The following SIN3B variants were observed in gnomAD, a reference collection of about 807,000 sequenced individuals.
SIN3B encodes SIN3 transcription regulator family member B.
In SIN3B, 19 loss-of-function variants were observed where a neutral mutation model predicts 120.2. The ratio of observed to expected loss-of-function variants is 0.16; its 90% CI spans 0.11 to 0.23. The LOEUF is 0.23. SIN3B is among the 10% of genes least tolerant of loss of function. The pLI is 1.00. For missense variants in SIN3B, 1,073 were observed against 1,573.0 expected (o/e 0.68, Z 5.38); for synonymous variants, 654 against 653.2 (o/e 1.00, Z -0.02).
At chr19:16,838,148 G>A (rs1362398162) in intron 3 of SIN3B, among the ~76,000 whole-genome samples, 1 of 152,090 alleles carries the variant, frequency 6.6e-6, no homozygotes, top group African/African-American at 2.4e-5. Context: ...AGCCTGGCTC[G>A]GTGTGATTGG....
Position 16,877,416 on chromosome 19 carries a change from C to T in SIN3B, c.2860-129C>T, listed in dbSNP as rs181474203. The T allele has an allele frequency of 1.1e-3, 716 of 661,210 alleles. 5 individuals are homozygous for T. The African/African-American group carries it at 0.011, about 11-fold the overall frequency. 41.0% of individuals were successfully genotyped at this position (661,210 alleles called of 1,614,324 possible). ...CGTCAGGGATCAGAGTCCTCTGCAG[C>T]GGCTCTCCTCATGCTCTGGCAGTGG... On this transcript the variant is annotated intron_variant, in intron 16 of 18. Transcript: ENST00000248054.
chr19:16,862,938 A>G lies in SIN3B; in HGVS notation c.1266+379A>G, dbSNP rs1458826184. The G allele has an allele frequency of 1.2e-6, 2 of 1,614,254 alleles. No homozygotes were observed. On this transcript the variant is annotated intron_variant, in intron 9 of 18. Transcript: ENST00000248054. This position sits in a 1 kb window ranked among gnomAD's most constrained non-coding sequence, Gnocchi z 4.7. ...GTGGACAGACGATTACTGCATGTCC[A>G]AGTTCAAGAATACCTGCTGGATTCC... is the stretch of plus-strand genomic sequence containing the variant.
intron 8 of SIN3B, among the ~76,000 whole-genome samples, chr19:16,857,382 A>G (rs951204926): frequency 2.6e-5 from 4 of 152,166 alleles, no homozygotes; most frequent in Admixed American, 1.3e-4. Flanking sequence ...TTCAGCCTCA[A>G]AGAGTGTGTT....
chr19:16,873,665 ACTC>A (rs1422166035), intron 14 of SIN3B, among the ~76,000 whole-genome samples: 2 of 152,018 alleles, frequency 1.3e-5, no homozygotes, highest in Admixed American at 1.3e-4. Flanking sequence ...TCCATAAACA[ACTC>A]CTCTAGAACC....
Position 16,871,405 on chromosome 19 carries a change from C to A in SIN3B, c.2592+7C>A, listed in dbSNP as rs749737726. 1 of 1,594,456 alleles carries A rather than the reference C, an allele frequency of 6.3e-7. No homozygotes were observed. Among genetic ancestry groups the A allele is most frequent in the South Asian group, 1.1e-5 (1 of 88,696 alleles). On this transcript the variant is annotated splice_region_variant and intron_variant, in intron 14 of 18. Transcript: ENST00000248054. ...GCAGAACATTGCGCGGCAGGTGAGC[C>A]GGGCCGGGGTGGGGCCGGCCCTGAG...
intron 5 of SIN3B, 129 bp from the exon 6 acceptor site, chr19:16,851,283 A>G (rs758339457): frequency 3.7e-6 from 4 of 1,076,594 alleles, no homozygotes; most frequent in Non-Finnish European, 5.2e-6. Context: ...TGGACGGAGC[A>G]TCTGGCCTGG....
intron 5 of SIN3B, among the ~76,000 whole-genome samples, chr19:16,850,495 A>G (rs1234058343): frequency 6.6e-6 from 1 of 152,034 alleles, no homozygotes; most frequent in Non-Finnish European, 1.5e-5. Flanking sequence ...CCCTAACAGC[A>G]GCCCAGAGCC....
At chr19:16,840,973 A>G (rs1971409850) in intron 3 of SIN3B, among the ~76,000 whole-genome samples, 2 of 152,148 alleles carry the variant, frequency 1.3e-5, no homozygotes. Context: ...GGGCTTATCC[A>G]AGCAAAAACC....
intron 6 of SIN3B, 114 bp downstream of exon 6, chr19:16,851,648 G>T: frequency 7.3e-7 from 1 of 1,364,358 alleles, no homozygotes. Context: ...GCTGGACCGG[G>T]GGCTGTGTGA....
chr19:16,844,613 A>G (rs1162220779), intron 4 of SIN3B, among the ~76,000 whole-genome samples: 2 of 152,222 alleles, frequency 1.3e-5, no homozygotes, highest in Non-Finnish European at 2.9e-5. Flanking sequence ...GCAGAGTTGC[A>G]AAGTGTGATG....
rs374226924 is a variant in SIN3B, at chr19:16,841,864, G to T, written c.478G>T (p.Val160Leu). The T allele has an allele frequency of 6.2e-7, 1 of 1,614,092 alleles. No individual in the cohort carries two copies. Among genetic ancestry groups the T allele is most frequent in the Non-Finnish European group, 8.5e-7 (1 of 1,179,998 alleles). ...KPQVPLESDS[V>L]EFNNAISYVN... ...CCAGGTGCCCCTGGAGTCCGATTCC[G>T]TGGAATTCAACAACGCCATCAGCTA... Residue 160 changes from valine to leucine, a missense_variant, in exon 4 of 19, where the codon GTG becomes TTG. By Grantham distance (32) the Val-to-Leu change is conservative. Around this residue, in one of 7 missense-constraint regions of SIN3B, gnomAD observed 395 missense variants for 528.0 expected, o/e 0.75. Transcript: ENST00000248054.
rs1240628997 is a variant in SIN3B at position 16,879,007 on chromosome 19, G to A, written c.*280G>A. On this transcript the variant is annotated 3_prime_UTR_variant, in exon 19 of 19. Transcript: ENST00000248054. ...CCGAGGAACAAGCAATCATGTTTGC[G>A]TCCCCGTCCGTCACATGTGCCAAAT... The A allele has an allele frequency of 1.6e-5, 8 of 498,694 alleles. No individual in the cohort carries two copies. The highest frequency in any genetic ancestry group is 3.7e-5 in the Admixed American group (1 of 26,950). 30.9% of individuals were successfully genotyped at this position (498,694 alleles called of 1,614,324 possible). A position where few individuals can be genotyped will look rare whatever the true frequency, so the allele number is the denominator to read the frequency against.
chr19:16,829,460 G>T lies in SIN3B; in HGVS notation c.40G>T (p.Gly14Cys). The change falls in exon 1 of 19, where the codon GGC becomes TGC. Residue 14 changes from glycine (G) to cysteine (C), a missense_variant. Gly to Cys is a radical substitution (Grantham distance 159). Coordinates refer to ENST00000248054, the MANE Select transcript of SIN3B (RefSeq NM_001297595.2). ...AGGGSGGSGA[G>C]GPAGRGLSGA... ...CGGTGGCAGCGGTGGCAGCGGTGCC[G>T]GCGGCCCCGCGGGCCGGGGGCTGAG... The T allele has an allele frequency of 8.2e-7, 1 of 1,214,292 alleles. No individual in the cohort carries two copies. Among genetic ancestry groups the T allele is most frequent in the Non-Finnish European group, 1.0e-6 (1 of 976,450 alleles). The allele number at this position is 1,214,292 out of a possible 1,614,324, so 75.2% of individuals were successfully genotyped here. A position where few individuals can be genotyped will look rare whatever the true frequency, so the allele number is the denominator to read the frequency against.
chr19:16,833,574 G>T (rs956835247), intron 3 of SIN3B, among the ~76,000 whole-genome samples: 6 of 151,218 alleles, frequency 4.0e-5, no homozygotes, highest in Admixed American at 2.6e-4. Context: ...GGAGGTTGCA[G>T]TGAGCAGAGA....
At position 16,829,418 on chromosome 19, in the gene SIN3B, G is replaced by C. The variant is rs1406645097; in HGVS notation, c.-3G>C. 1 of 1,204,772 alleles carries C rather than the reference G, an allele frequency of 8.3e-7. No homozygotes were observed. Among genetic ancestry groups the C allele is most frequent in the South Asian group, 4.2e-5 (1 of 24,044 alleles). The allele number at this position is 1,204,772 out of a possible 1,614,324, so 74.6% of individuals were successfully genotyped here. On this transcript the variant is annotated 5_prime_UTR_variant, in exon 1 of 19. Transcript: ENST00000248054. ...GGGGCGGGGCGCAGCTCCGACTTCG[G>C]ACATGGCGCACGCTGGCGGTGGCAG...
chr19:16,875,774 T>TTGGTCTGGTC (rs546838576), intron 14 of SIN3B, among the ~76,000 whole-genome samples: 2 of 147,878 alleles, frequency 1.4e-5, no homozygotes, highest in African/African-American at 5.0e-5. Context: ...TCTGGTCTGT[T>TTGGTCTGGTC]TGGTCTGGTC....
At chr19:16,842,946 G>GC (rs569333178) in intron 4 of SIN3B, among the ~76,000 whole-genome samples, 65 of 152,334 alleles carry the variant, frequency 4.3e-4, no homozygotes, top group African/African-American at 1.5e-3. Flanking sequence ...AGAGACCAGA[G>GC]CAGACAGCGG....
At chr19:16,875,545 GGTCT>G (rs2051586173) in intron 14 of SIN3B, among the ~76,000 whole-genome samples, 1 of 144,692 alleles carries the variant, frequency 6.9e-6, no homozygotes, top group Non-Finnish European at 1.5e-5. Flanking sequence ...TGTTTGGTCT[GGTCT>G]GTTTGGTCTG....
chr19:16,868,842 C>T (rs1366151714), intron 12 of SIN3B, among the ~76,000 whole-genome samples: 2 of 152,116 alleles, frequency 1.3e-5, no homozygotes, highest in Non-Finnish European at 2.9e-5. Flanking sequence ...GTAGCAAGCA[C>T]GTGCAGGGGC....
Sources: allele counts gnomAD v4.1 joint callset (sites outside exome capture counted in the v4.1 genomes callset), GRCh38; gene constraint gnomAD v4.1.1; regional missense constraint gnomAD v4.1.1; non-coding constraint Gnocchi (gnomAD v3.1); transcripts MANE v1.5; gene names NCBI Gene and HGNC (gene_info 2026-07-23, HGNC 2026-07-21).